CCDC18: variants seen among roughly 807,000 people sequenced by gnomAD.
CCDC18 encodes coiled-coil domain containing 18.
A neutral mutation model predicts 196.0 loss-of-function variants in CCDC18; 157 were observed. The observed-to-expected ratio is 0.80, with a 90% CI of 0.70 to 0.91. The LOEUF (loss-of-function observed/expected upper bound fraction) is 0.91, where lower values mean the gene tolerates loss of function less well. CCDC18 is among the 40% of genes least tolerant of loss of function. The pLI is 0.00. For synonymous variants in CCDC18, 482 were observed against 529.2 expected (o/e 0.91, Z 1.22); for missense variants, 1,465 against 1,611.6 (o/e 0.91, Z 1.56).
At chr1:93,273,131 C>T (rs1282011610) in intron 28 of CCDC18, among the ~76,000 whole-genome samples, 5 of 151,860 alleles carry the variant, frequency 3.3e-5, no homozygotes, top group Non-Finnish European at 7.4e-5. Flanking sequence ...TGCAGTGGCG[C>T]AATCTTGGCT....
At chr1:93,240,180 T>C (rs2100837695) in intron 21 of CCDC18, among the ~76,000 whole-genome samples, 1 of 152,348 alleles carries the variant, frequency 6.6e-6, no homozygotes. Context: ...TTAATAATGA[T>C]AATATTGTTC....
At chr1:93,181,737 C>T (rs954468817) in intron 1 of CCDC18, among the ~76,000 whole-genome samples, 1 of 152,066 alleles carries the variant, frequency 6.6e-6, no homozygotes, top group East Asian at 1.9e-4. Flanking sequence ...GCCTCAGCCT[C>T]CCGAGTAGCT....
At chr1:93,277,164 G>A (rs1665664406) in intron 28 of CCDC18, among the ~76,000 whole-genome samples, 1 of 40,242 alleles carries the variant, frequency 2.5e-5, no homozygotes, top group Non-Finnish European at 4.2e-5. Context: ...CCCACCTCCA[G>A]CCCTAAGGCG....
intron 26 of CCDC18, 35 bp from the exon 27 acceptor site, chr1:93,264,658 CATTTTTTT>C (rs1299718952): frequency 1.6e-6 from 2 of 1,213,274 alleles, no homozygotes; most frequent in Non-Finnish European, 2.4e-6. Context: ...AGTTTCCTTC[CATTTTTTT>C]ATTTTTTTTC....
At chr1:93,230,852 C>T (rs1659143424) in intron 17 of CCDC18, among the ~76,000 whole-genome samples, 2 of 151,922 alleles carry the variant, frequency 1.3e-5, no homozygotes, top group South Asian at 4.1e-4. Flanking sequence ...TAAAATAAAC[C>T]AGTGCAGAAG....
intron 19 of CCDC18, among the ~76,000 whole-genome samples, chr1:93,238,908 T>G (rs920694925): frequency 6.6e-6 from 1 of 152,182 alleles, no homozygotes; most frequent in African/African-American, 2.4e-5. Context: ...GTAAAAGCAA[T>G]TGACTTGGCT....
chr1:93,207,423 GA>G (rs1654883610), intron 9 of CCDC18, 25 bp downstream of exon 9: 1 of 1,495,648 alleles, frequency 6.7e-7, no homozygotes, highest in Non-Finnish European at 9.0e-7. Flanking sequence ...TTACGTAATG[GA>G]AAAGAAGAAT....
rs1425943367 is a variant in CCDC18 at position 93,180,793 on chromosome 1, C to A, written c.-62C>A. 1.5e-6 allele frequency: 2 copies of A among 1,367,750 alleles called. No individual in the cohort carries two copies. Among genetic ancestry groups the A allele is most frequent in the Non-Finnish European group, 2.0e-6 (2 of 1,021,956 alleles). 84.7% of individuals were successfully genotyped at this position (1,367,750 alleles called of 1,614,324 possible). On this transcript the variant is annotated 5_prime_UTR_variant, in exon 1 of 29. Transcript: ENST00000690025. The stretch of plus-strand genomic sequence containing the variant: ...TGTCCGAGGCTTCCACGCGCAGGGG[C>A]CCGGGAAAGGGTCAGAGGCTTCCTA...
At chr1:93,272,578 A>G (rs1434607676) in intron 28 of CCDC18, among the ~76,000 whole-genome samples, 1 of 152,226 alleles carries the variant, frequency 6.6e-6, no homozygotes, top group Non-Finnish European at 1.5e-5. Context: ...AGTAAAGTGA[A>G]GGTTGATTAT....
chr1:93,240,983 T>C (rs1660699473), intron 21 of CCDC18, among the ~76,000 whole-genome samples: 1 of 152,146 alleles, frequency 6.6e-6, no homozygotes, highest in African/African-American at 2.4e-5. Context: ...ATATTTTTTT[T>C]CAGACAGATT....
chr1:93,204,282 G>A (rs1654347996), intron 7 of CCDC18, among the ~76,000 whole-genome samples: 2 of 151,990 alleles, frequency 1.3e-5, no homozygotes, highest in African/African-American at 2.4e-5. Flanking sequence ...GGAAAAAAGT[G>A]GATAAAAACA....
At chr1:93,211,434 G>T (rs1362272148) in intron 10 of CCDC18, among the ~76,000 whole-genome samples, 3 of 152,068 alleles carry the variant, frequency 2.0e-5, no homozygotes, top group Non-Finnish European at 1.5e-5. Flanking sequence ...TTTTAAATCT[G>T]TTTCTCCAAA....
Position 93,180,821 on chromosome 1 carries a change from G to A in CCDC18, c.-34G>A. ...GGGAAAGGGTCAGAGGCTTCCTAAC[G>A]CAGACTCGAGTGCGAAGCGCGCAGT... On this transcript the variant is annotated 5_prime_UTR_variant, in exon 1 of 29. Coordinates refer to ENST00000690025, the MANE Select transcript of CCDC18 (RefSeq NM_001378204.1). The A allele has an allele frequency of 7.3e-7, 1 of 1,367,688 alleles. No individual in the cohort carries two copies. Among genetic ancestry groups the A allele is most frequent in the Non-Finnish European group, 9.8e-7 (1 of 1,021,994 alleles). The allele number at this position is 1,367,688 out of a possible 1,614,324, so 84.7% of individuals were successfully genotyped here. A position where few individuals can be genotyped will look rare whatever the true frequency, so the allele number is the denominator to read the frequency against.
chr1:93,230,491 C>CA (rs1391322949), intron 17 of CCDC18, among the ~76,000 whole-genome samples: 4,165 of 122,944 alleles, frequency 0.034, 175 homozygotes, highest in African/African-American at 0.11. Context: ...GACTCCATCT[C>CA]AAAAAAAAAA....
chr1:93,256,255 C>T (rs562054593), intron 24 of CCDC18, 80 bp from the exon 25 acceptor site: 34 of 1,255,910 alleles, frequency 2.7e-5, no homozygotes, highest in Admixed American at 4.2e-5. Context: ...TGGAAATTTA[C>T]GTATTAAGCA....
At chr1:93,257,485 G>T (rs1301854740) in intron 25 of CCDC18, among the ~76,000 whole-genome samples, 1 of 151,050 alleles carries the variant, frequency 6.6e-6, no homozygotes, top group African/African-American at 2.4e-5. Context: ...AGAAAAATGT[G>T]TTTATTGATG....
At chr1:93,180,363 G>A (rs1405849362), upstream of CCDC18, 2 of 1,311,934 alleles carry the variant, frequency 1.5e-6, no homozygotes, top group Non-Finnish European at 1.0e-6. Flanking sequence ...ACTCCAGGTG[G>A]CGGCCGCGGC....
chr1:93,191,018 A>G, intron 4 of CCDC18: 1 of 1,004,190 alleles, frequency 1.0e-6, no homozygotes, highest in Non-Finnish European at 1.5e-6. Context: ...TGCTTGCCAC[A>G]CTTCTTACAG....
At chr1:93,199,643 G>A (rs751693257) in intron 6 of CCDC18, 1 of 152,344 alleles carries the variant, frequency 6.6e-6, no homozygotes, top group African/African-American at 2.4e-5. Flanking sequence ...CATTCAGTGG[G>A]TCCTGAGTTC....
Sources: gnomAD v4.1 joint callset for allele counts (sites outside exome capture counted in the v4.1 genomes callset) on GRCh38, gnomAD v4.1.1 for gene constraint, MANE v1.5 for transcripts, NCBI Gene and HGNC (gene_info 2026-07-23, HGNC 2026-07-21) for gene names.